Variants in PDZD2 observed in about 807,000 individuals in gnomAD.
PDZD2 encodes PDZ domain containing 2, also known as PDZ domain-containing protein 2.
PDZD2 carries 90 observed loss-of-function variants against 220.7 expected under a neutral mutation model. That is an observed-to-expected ratio of 0.41 (90% confidence interval 0.34 to 0.49). PDZD2 has a LOEUF of 0.49. PDZD2 is among the 20% of genes least tolerant of loss of function. The pLI is 0.28. For synonymous variants in PDZD2, 1,375 were observed against 1,450.5 expected, an observed-to-expected ratio of 0.95 and a Z score of 1.18; for missense variants, 3,174 against 3,608.5, an observed-to-expected ratio of 0.88 and a Z score of 3.08.
chr5:31,860,166 G>GT (rs949414930), intron 2 of PDZD2, among the ~76,000 whole-genome samples: 7 of 152,110 alleles, frequency 4.6e-5, no homozygotes, highest in Non-Finnish European at 8.8e-5. Context: ...TTATTCACCT[G>GT]TTTTTTCGCC....
intron 1 of PDZD2, among the ~76,000 whole-genome samples, chr5:31,740,545 A>AAAAAAAAAAAAAC (rs1750192536): frequency 7.7e-6 from 1 of 129,908 alleles, no homozygotes; most frequent in Non-Finnish European, 1.5e-5. Context: ...AAAAAAAAAA[A>AAAAAAAAAAAAAC]AAAAAAAAAA....
chr5:31,696,614 T>A (rs1278759623), intron 1 of PDZD2, among the ~76,000 whole-genome samples: 1 of 152,144 alleles, frequency 6.6e-6, no homozygotes, highest in African/African-American at 2.4e-5. Context: ...CTCTCCTTAA[T>A]TGAGCTGAAA....
chr5:31,845,838 G>A (rs1281000463), intron 2 of PDZD2, among the ~76,000 whole-genome samples: 1 of 152,194 alleles, frequency 6.6e-6, no homozygotes. Context: ...ACAGGTCTTG[G>A]CATCCTGTAT....
chr5:31,749,508 C>T (rs1561429031), intron 1 of PDZD2, among the ~76,000 whole-genome samples: 1 of 151,688 alleles, frequency 6.6e-6, no homozygotes, highest in Non-Finnish European at 1.5e-5. Flanking sequence ...ACTGCAACCT[C>T]AGCCTTCCAG....
chr5:31,946,282 C>T (rs1320309646), intron 2 of PDZD2, among the ~76,000 whole-genome samples: 3 of 152,330 alleles, frequency 2.0e-5, no homozygotes, highest in African/African-American at 7.2e-5. Context: ...GGATTATAGA[C>T]GTGAGTCACT....
chr5:31,827,724 A>T (rs1580837948), intron 2 of PDZD2, among the ~76,000 whole-genome samples: 1 of 150,468 alleles, frequency 6.6e-6, no homozygotes, highest in Non-Finnish European at 1.5e-5. Context: ...AATAAAAATA[A>T]TTTTAAAATG....
At position 31,764,647 on chromosome 5, in the gene PDZD2, T is replaced by C. The variant is rs115139495; in HGVS notation, c.-360-34242T>C. On this transcript the variant is annotated intron_variant, in intron 1 of 24. Transcript: ENST00000438447. The stretch of plus-strand genomic sequence containing the variant: ...TTTCCCATGTCAGTATTTTCCAATG[T>C]CCACTTCATGCTGTCTCAGACTCAT... Among the ~76,000 whole-genome samples, 787 of 152,354 alleles carry C rather than the reference T, an allele frequency of 5.2e-3. 7 individuals carry two copies. The highest frequency in any genetic ancestry group is 0.018 in the African/African-American group (744 of 41,580).
At chr5:32,013,490 T>G (rs1295089261) in intron 6 of PDZD2, among the ~76,000 whole-genome samples, 1 of 152,166 alleles carries the variant, frequency 6.6e-6, no homozygotes, top group Non-Finnish European at 1.5e-5. Context: ...AATCACACAT[T>G]GTTTTATGAG....
At chr5:32,018,458 G>C (rs543698671) in intron 6 of PDZD2, among the ~76,000 whole-genome samples, 1 of 152,210 alleles carries the variant, frequency 6.6e-6, no homozygotes, top group Non-Finnish European at 1.5e-5. Context: ...TGTGGTGCTC[G>C]TGGGAAACTT....
chr5:31,820,273 TC>T (rs1755756331), intron 2 of PDZD2, among the ~76,000 whole-genome samples: 1 of 152,230 alleles, frequency 6.6e-6, no homozygotes, highest in African/African-American at 2.4e-5. Flanking sequence ...CTTAGGTTCT[TC>T]CTGTGGTTGC....
chr5:31,949,620 C>T (rs1337377949), intron 2 of PDZD2, among the ~76,000 whole-genome samples: 1 of 151,594 alleles, frequency 6.6e-6, no homozygotes, highest in African/African-American at 2.4e-5. Flanking sequence ...GGGTTAAGCA[C>T]CTTAGTCTCT....
At chr5:31,968,516 G>A (rs1247716827) in intron 2 of PDZD2, among the ~76,000 whole-genome samples, 2 of 152,128 alleles carry the variant, frequency 1.3e-5, no homozygotes, top group Non-Finnish European at 2.9e-5. Context: ...AGCTAGGCAT[G>A]GTGGCGTATG....
Position 31,840,396 on chromosome 5 carries a change from TTATATATATATATA to T in PDZD2, c.476+40712_476+40725del, listed in dbSNP as rs748170414. 2.4e-3 allele frequency: 47 copies of T among 19,336 alleles called. 1 individual carries two copies. Among genetic ancestry groups the T allele is most frequent in the Admixed American group, 5.4e-3 (8 of 1,492 alleles). The allele number at this position is 19,336 out of a possible 1,614,324, so 1.2% of individuals were successfully genotyped here. ...CTCATTCAAAGAGTAGTCATTTTCATTATATATATATATATATATATATATATATATATATATAT... is the reference window on the plus strand; with the variant it reads ...CTCATTCAAAGAGTAGTCATTTTCATTATATATATATATATATATATATAT... On this transcript the variant is annotated intron_variant, in intron 2 of 24. Coordinates refer to ENST00000438447, the MANE Select transcript of PDZD2 (RefSeq NM_178140.4).
intron 1 of PDZD2, among the ~76,000 whole-genome samples, chr5:31,773,822 A>T (rs1752476120): frequency 6.6e-6 from 1 of 152,052 alleles, no homozygotes; most frequent in Admixed American, 6.6e-5. Flanking sequence ...GCTCTCTGGG[A>T]CCGTGTTTAC....
rs546056002 is a variant in PDZD2, at chr5:31,686,610, G to A, written c.-361+47173G>A. ...TCGAACTCCTGACCTCTAGTCATCC[G>A]CCTGCCTCGGCCTCCCAAAGTGCTG... On this transcript the variant is annotated intron_variant, in intron 1 of 24. Transcript: ENST00000438447. Among the ~76,000 whole-genome samples the A allele has an allele frequency of 1.2e-4, 19 of 152,114 alleles. No homozygotes were observed. In the South Asian group the frequency reaches 2.3e-3, roughly 18 times the overall value.
chr5:31,672,293 C>T (rs188778846), intron 1 of PDZD2, among the ~76,000 whole-genome samples: 1 of 152,308 alleles, frequency 6.6e-6, no homozygotes, highest in African/African-American at 2.4e-5. Context: ...ATTTCTGTTG[C>T]CCTCCTCGCC....
chr5:31,879,117 G>A (rs1023783806), intron 2 of PDZD2, among the ~76,000 whole-genome samples: 5 of 151,722 alleles, frequency 3.3e-5, no homozygotes, highest in Non-Finnish European at 7.4e-5. Context: ...GCCGGGCACG[G>A]TGGCTCACGT....
intron 1 of PDZD2, among the ~76,000 whole-genome samples, chr5:31,662,791 A>G (rs367767795): frequency 3.8e-4 from 58 of 152,222 alleles, no homozygotes; most frequent in East Asian, 1.9e-3. Flanking sequence ...CACCACGCCC[A>G]GCTAATTTTT....
Position 32,057,982 on chromosome 5 carries a change from G to C in PDZD2, c.2079G>C (p.Pro693=). The change falls in exon 12 of 25, where the codon CCG becomes CCC. Residue 693 remains proline (P), a synonymous_variant. Transcript: ENST00000438447. ...TPTHMSRSAS[P]NFNTSGGASA... The stretch of plus-strand genomic sequence containing the variant: ...CACACATGAGCAGATCCGCCTCCCC[G>C]AACTTCAATACCAGTGGGGGAGCCT... The C allele has an allele frequency of 1.9e-6, 3 of 1,613,496 alleles. No individual in the cohort carries two copies. Among genetic ancestry groups the C allele is most frequent in the Non-Finnish European group, 2.5e-6 (3 of 1,179,562 alleles).
Sources: allele counts gnomAD v4.1 joint callset (sites outside exome capture counted in the v4.1 genomes callset), GRCh38; gene constraint gnomAD v4.1.1; transcripts MANE v1.5; gene names NCBI Gene and HGNC (gene_info 2026-07-23, HGNC 2026-07-21).